Variants in IL1RAPL2 observed in about 807,000 individuals in gnomAD.
IL1RAPL2 encodes the protein interleukin 1 receptor accessory protein like 2, also known as X-linked interleukin-1 receptor accessory protein-like 2.
A neutral mutation model predicts 44.1 loss-of-function variants in IL1RAPL2; 3 were observed. The ratio of observed to expected loss-of-function variants is 0.07; its 90% confidence interval spans 0.03 to 0.18. The LOEUF (loss-of-function observed/expected upper bound fraction) is 0.18, where lower values mean the gene tolerates loss of function less well. Among genes scored for constraint, IL1RAPL2 ranks in the 10% least tolerant of loss-of-function variants. IL1RAPL2 has a pLI of 1.00. For synonymous variants in IL1RAPL2, 181 were observed against 178.8 expected, an observed-to-expected ratio of 1.01 and a Z score of -0.10; for missense variants, 391 against 496.4, an observed-to-expected ratio of 0.79 and a Z score of 2.02.
At chrX:104,770,499 A>G (rs748804158) in intron 2 of IL1RAPL2, among the ~76,000 whole-genome samples, 20 of 111,856 alleles carry the variant, frequency 1.8e-4, no homozygotes, top group Admixed American at 1.6e-3. Context: ...TTGTCAGGCA[A>G]CATCTATAAT....
intron 2 of IL1RAPL2, among the ~76,000 whole-genome samples, chrX:104,833,822 G>A (rs1204068271): frequency 8.9e-6 from 1 of 112,357 alleles, no homozygotes; most frequent in Non-Finnish European, 1.9e-5. Flanking sequence ...ATGTAAAAAG[G>A]AGAAGAAATC....
intron 2 of IL1RAPL2, among the ~76,000 whole-genome samples, chrX:104,881,905 A>C (rs1190529696): frequency 8.9e-6 from 1 of 112,100 alleles, no homozygotes; most frequent in Admixed American, 9.5e-5. Flanking sequence ...TGAAGCTTAG[A>C]GTAACTCACA....
intron 1 of IL1RAPL2, among the ~76,000 whole-genome samples, chrX:104,610,555 G>T (rs1929131296): frequency 9.0e-6 from 1 of 111,655 alleles, no homozygotes; most frequent in Admixed American, 9.5e-5. Context: ...AAAATACTTA[G>T]GAATCCAACT....
chrX:104,640,528 A>G (rs998802897), intron 1 of IL1RAPL2, among the ~76,000 whole-genome samples: 7 of 111,851 alleles, frequency 6.3e-5, no homozygotes, highest in Admixed American at 3.8e-4. Context: ...GAGAATAATT[A>G]TGTTTCTTTG....
At chrX:105,576,985 C>A (rs529061479) in intron 6 of IL1RAPL2, among the ~76,000 whole-genome samples, 4 of 111,201 alleles carry the variant, frequency 3.6e-5, no homozygotes, top group Admixed American at 9.6e-5. Flanking sequence ...AAAAAAATTA[C>A]TCTATTTTAT....
At chrX:104,835,578 T>C (rs5962987) in intron 2 of IL1RAPL2, among the ~76,000 whole-genome samples, 5,831 of 111,293 alleles carry the variant, frequency 0.052, 396 homozygotes, top group African/African-American at 0.18. Flanking sequence ...TTCCTAATAC[T>C]CCCAGTTCCT....
At chrX:105,699,124 C>T (rs764918331) in intron 6 of IL1RAPL2, among the ~76,000 whole-genome samples, 250 of 110,780 alleles carry the variant, frequency 2.3e-3, no homozygotes, top group Non-Finnish European at 2.4e-3. Context: ...GTTACATATA[C>T]CAGTTTATTT....
chrX:105,070,419 G>T (rs1431295168), intron 2 of IL1RAPL2, among the ~76,000 whole-genome samples: 1 of 111,757 alleles, frequency 8.9e-6, no homozygotes, highest in African/African-American at 3.3e-5. Context: ...AAGCCATAAA[G>T]AGTATGTTCA....
intron 6 of IL1RAPL2, among the ~76,000 whole-genome samples, chrX:105,531,445 G>T (rs1033790755): frequency 1.3e-4 from 14 of 111,532 alleles, no homozygotes; most frequent in Non-Finnish European, 1.1e-4. Flanking sequence ...TGTATATTTT[G>T]GTTATTAATC....
intron 7 of IL1RAPL2, among the ~76,000 whole-genome samples, chrX:105,732,198 C>T (rs1332353744): frequency 1.8e-5 from 2 of 110,795 alleles, no homozygotes; most frequent in Non-Finnish European, 3.8e-5. Flanking sequence ...CATGCTTTTT[C>T]TGCCTTCTCT....
intron 6 of IL1RAPL2, among the ~76,000 whole-genome samples, chrX:105,526,416 A>G (rs1335510219): frequency 2.7e-5 from 3 of 111,832 alleles, no homozygotes; most frequent in Non-Finnish European, 5.7e-5. Flanking sequence ...ACCATACAGA[A>G]AATGCACCTA....
At chrX:105,445,961 A>G (rs1031275800) in intron 5 of IL1RAPL2, among the ~76,000 whole-genome samples, 16 of 111,487 alleles carry the variant, frequency 1.4e-4, no homozygotes, top group African/African-American at 5.2e-4. Context: ...TCTGTCTGGA[A>G]GCTATGTCCA....
chrX:105,219,926 T>G, intron 3 of IL1RAPL2: 1 of 1,157,139 alleles, frequency 8.6e-7, no homozygotes, highest in Non-Finnish European at 1.2e-6. Flanking sequence ...AGGGACCAGT[T>G]GAGGGATCTT....
At chrX:105,673,340 G>T (rs2037840756) in intron 6 of IL1RAPL2, among the ~76,000 whole-genome samples, 1 of 110,361 alleles carries the variant, frequency 9.1e-6, no homozygotes, top group African/African-American at 3.3e-5. Context: ...TCGCTGACAG[G>T]CCCCAGTGTG....
At chrX:104,737,761 T>A (rs1932039835) in intron 2 of IL1RAPL2, among the ~76,000 whole-genome samples, 1 of 112,057 alleles carries the variant, frequency 8.9e-6, no homozygotes, top group Non-Finnish European at 1.9e-5. Flanking sequence ...AAGCAGAGCC[T>A]ATGTGTTCAT....
At chrX:105,196,208 G>A (rs1233352599) in intron 3 of IL1RAPL2, among the ~76,000 whole-genome samples, 1 of 110,833 alleles carries the variant, frequency 9.0e-6, no homozygotes, top group Non-Finnish European at 1.9e-5. Flanking sequence ...CTTGAACCTG[G>A]GAGGCAGAGG....
At chrX:105,418,301 T>G (rs1269699058) in intron 5 of IL1RAPL2, among the ~76,000 whole-genome samples, 1 of 111,157 alleles carries the variant, frequency 9.0e-6, no homozygotes, top group Non-Finnish European at 1.9e-5. Context: ...AAAACTGATA[T>G]ATGATTGTTA....
intron 5 of IL1RAPL2, among the ~76,000 whole-genome samples, chrX:105,439,210 T>C (rs896885745): frequency 9.0e-5 from 10 of 111,477 alleles, no homozygotes; most frequent in Non-Finnish European, 1.5e-4. Context: ...TGGACTAATA[T>C]AGTGTTCCTA....
intron 6 of IL1RAPL2, among the ~76,000 whole-genome samples, chrX:105,545,245 G>A (rs2036783837): frequency 8.9e-6 from 1 of 111,956 alleles, no homozygotes; most frequent in Non-Finnish European, 1.9e-5. Context: ...AGGTAGATTT[G>A]CTAACAGCAA....
Sources: allele counts gnomAD v4.1 joint callset (sites outside exome capture counted in the v4.1 genomes callset), GRCh38; gene constraint gnomAD v4.1.1; transcripts MANE v1.5; gene names NCBI Gene and HGNC (gene_info 2026-07-23, HGNC 2026-07-21).